Variants in EML1 observed in about 807,000 individuals in gnomAD.
EML1 encodes the protein EMAP like 1.
Under a neutral mutation model 110.4 loss-of-function variants are expected in EML1, and 27 were observed. The ratio of observed to expected loss-of-function variants is 0.24; its 90% CI spans 0.18 to 0.34. The LOEUF is 0.34. EML1 is among the 10% of genes least tolerant of loss of function. The pLI is 1.00. For missense variants in EML1, 741 were observed against 1,030.9 expected (o/e 0.72, Z 3.85); for synonymous variants, 344 against 385.8 (o/e 0.89, Z 1.27).
chr14:99,835,014 G>T (rs1397215225), intron 1 of EML1, among the ~76,000 whole-genome samples: 5 of 151,844 alleles, frequency 3.3e-5, no homozygotes, highest in East Asian at 3.9e-4. Context: ...TAGAGATGGG[G>T]TTTTCATTTG....
intron 2 of EML1, among the ~76,000 whole-genome samples, chr14:99,852,291 A>T (rs2058824107): frequency 6.6e-6 from 1 of 152,164 alleles, no homozygotes; most frequent in Non-Finnish European, 1.5e-5. Flanking sequence ...ACGTTTTTTG[A>T]GATTACAACA....
intron 2 of EML1, among the ~76,000 whole-genome samples, chr14:99,863,549 G>A (rs1309649115): frequency 1.3e-5 from 2 of 152,102 alleles, no homozygotes; most frequent in Non-Finnish European, 2.9e-5. Context: ...GCCACAAATC[G>A]ATTTTCTGTC....
chr14:99,850,824 A>G (rs2058784115), intron 1 of EML1, 29 bp from the exon 2 acceptor site: 1 of 1,605,452 alleles, frequency 6.2e-7, no homozygotes, highest in Non-Finnish European at 8.5e-7. Context: ...GGAACACTTA[A>G]AGCTCACTTG....
intron 1 of EML1, among the ~76,000 whole-genome samples, chr14:99,752,856 G>C (rs1238820779): frequency 6.6e-6 from 1 of 152,118 alleles, no homozygotes; most frequent in East Asian, 1.9e-4. Flanking sequence ...TTAAACAGCA[G>C]GTTTTTTTTT....
chr14:99,930,530 T>G lies in EML1; in HGVS notation c.1910-5499T>G, dbSNP rs138173810. ...GTTTTAGCAACTGTCATTTATGGAC[T>G]ATTTTATATAACATGGTCTTTTGCT... On this transcript the variant is annotated intron_variant, in intron 17 of 21. Coordinates refer to ENST00000262233, the MANE Select transcript of EML1 (RefSeq NM_004434.3). Among the ~76,000 whole-genome samples the G allele has an allele frequency of 1.3e-3, 205 of 152,378 alleles. 1 individual carries two copies. Among genetic ancestry groups the G allele is most frequent in the African/African-American group, 4.9e-3 (202 of 41,592 alleles).
At chr14:99,817,412 A>C (rs960335016) in intron 1 of EML1, among the ~76,000 whole-genome samples, 2 of 152,186 alleles carry the variant, frequency 1.3e-5, no homozygotes, top group Non-Finnish European at 2.9e-5. Flanking sequence ...TTTGTATATG[A>C]ACTTGGCATC....
intron 3 of EML1, among the ~76,000 whole-genome samples, chr14:99,871,572 T>C (rs543497600): frequency 4.0e-4 from 60 of 151,268 alleles, no homozygotes; most frequent in Non-Finnish European, 5.6e-4. Context: ...AATCTCAACA[T>C]GAACAGGGAA....
chr14:99,801,938 T>G (rs1287692167), intron 1 of EML1, among the ~76,000 whole-genome samples: 3 of 152,248 alleles, frequency 2.0e-5, no homozygotes, highest in Non-Finnish European at 4.4e-5. Flanking sequence ...GGAAGCCTAA[T>G]TTGTTTCTCA....
chr14:99,829,097 T>G (rs529701799), intron 1 of EML1, among the ~76,000 whole-genome samples: 32 of 152,228 alleles, frequency 2.1e-4, no homozygotes, highest in Non-Finnish European at 3.2e-4. Flanking sequence ...CCTGCGGGTC[T>G]TGGAATGTAT....
chr14:99,758,214 C>T (rs2057277162), intron 1 of EML1, among the ~76,000 whole-genome samples: 2 of 152,250 alleles, frequency 1.3e-5, no homozygotes, highest in African/African-American at 2.4e-5. Context: ...CGAGAGTCAA[C>T]GGAAGCCAGA....
chr14:99,910,434 T>A, intron 12 of EML1, 93 bp downstream of exon 12: 1 of 967,844 alleles, frequency 1.0e-6, no homozygotes, highest in Non-Finnish European at 1.6e-6. Flanking sequence ...TAATACAACG[T>A]ACAGGAGTAG....
intron 17 of EML1, among the ~76,000 whole-genome samples, chr14:99,934,605 G>A (rs1451960740): frequency 6.6e-6 from 1 of 152,268 alleles, no homozygotes; most frequent in African/African-American, 2.4e-5. Flanking sequence ...CCTCCCGACT[G>A]CTATGAAAAT....
At chr14:99,930,897 G>A (rs2060355292) in intron 17 of EML1, among the ~76,000 whole-genome samples, 1 of 152,188 alleles carries the variant, frequency 6.6e-6, no homozygotes, top group Admixed American at 6.5e-5. Flanking sequence ...AAAGGACTAG[G>A]TGCAACTGGT....
chr14:99,896,358 AC>A (rs1042152609), intron 6 of EML1, among the ~76,000 whole-genome samples: 13 of 132,886 alleles, frequency 9.8e-5, no homozygotes, highest in Non-Finnish European at 2.0e-4. Context: ...CCCCCAAAAT[AC>A]TTTTTTTTTT....
intron 8 of EML1, among the ~76,000 whole-genome samples, chr14:99,900,321 G>T (rs1280175753): frequency 1.3e-5 from 2 of 151,708 alleles, no homozygotes; most frequent in Non-Finnish European, 2.9e-5. Flanking sequence ...CCAAGTAGCT[G>T]GGATTACAGG....
At chr14:99,791,033 A>AT (rs1336456747), upstream of EML1, among the ~76,000 whole-genome samples, 67 of 151,138 alleles carry the variant, frequency 4.4e-4, no homozygotes, top group Middle Eastern at 3.4e-3. Context: ...AATTTTTTGT[A>AT]TTTTTTTTGG....
At position 99,775,977 on chromosome 14, in the gene EML1, T is replaced by G. The variant is rs151266044; in HGVS notation, c.-27+1964T>G. Among the ~76,000 whole-genome samples, 67 of 152,364 alleles carry G rather than the reference T, an allele frequency of 4.4e-4. No individual in the cohort carries two copies. The South Asian group carries it at 8.1e-3, about 18-fold the overall frequency. On this transcript the variant is annotated intron_variant, in intron 1 of 22. Transcript: ENST00000327921. ...ACAATTTCATGATACAGTTTATGTT[T>G]ATATTCTTCCAGCTAAAACATGATT...
At chr14:99,873,255 T>A (rs778851687) in intron 3 of EML1, among the ~76,000 whole-genome samples, 2 of 152,214 alleles carry the variant, frequency 1.3e-5, no homozygotes, top group Non-Finnish European at 2.9e-5. Context: ...AAGCGTTATT[T>A]AAAAAATGCT....
intron 17 of EML1, among the ~76,000 whole-genome samples, chr14:99,934,373 T>C (rs550417109): frequency 6.6e-6 from 1 of 152,372 alleles, no homozygotes; most frequent in Non-Finnish European, 1.5e-5. Context: ...ATTCTTGATT[T>C]GGACAGGCTG....
Sources: allele counts gnomAD v4.1 joint callset (sites outside exome capture counted in the v4.1 genomes callset), GRCh38; gene constraint gnomAD v4.1.1; transcripts MANE v1.5; gene names NCBI Gene and HGNC (gene_info 2026-07-23, HGNC 2026-07-21).